The following ARHGAP26 variants were observed in gnomAD, a reference collection of about 807,000 sequenced individuals.
ARHGAP26 encodes Rho GTPase activating protein 26.
A neutral mutation model predicts 104.8 loss-of-function variants in ARHGAP26; 38 were observed. That is an observed-to-expected ratio of 0.36 (90% CI 0.28 to 0.48). ARHGAP26 has a LOEUF of 0.48. ARHGAP26 is among the 20% of genes least tolerant of loss of function. ARHGAP26 has a pLI of 0.99. For synonymous variants in ARHGAP26, 341 were observed against 340.0 expected (o/e 1.00, Z -0.03); for missense variants, 704 against 947.9 (o/e 0.74, Z 3.38).
intron 20 of ARHGAP26, chr5:143,166,103 A>G: frequency 7.6e-7 from 1 of 1,307,886 alleles, no homozygotes; most frequent in Non-Finnish European, 1.0e-6. Flanking sequence ...ACAAGGTGAG[A>G]AGGGAGGCTG....
chr5:142,936,986 C>G (rs912377489), intron 11 of ARHGAP26, among the ~76,000 whole-genome samples: 1 of 152,080 alleles, frequency 6.6e-6, no homozygotes, highest in Non-Finnish European at 1.5e-5. Flanking sequence ...GGAAAGCATA[C>G]ACAACCCATA....
chr5:143,113,495 G>A (rs952920770), intron 17 of ARHGAP26, among the ~76,000 whole-genome samples: 1 of 152,058 alleles, frequency 6.6e-6, no homozygotes, highest in African/African-American at 2.4e-5. Context: ...AACCCATTTT[G>A]GCTATTTTTC....
At chr5:142,923,216 T>C (rs1763440963) in intron 10 of ARHGAP26, among the ~76,000 whole-genome samples, 1 of 152,158 alleles carries the variant, frequency 6.6e-6, no homozygotes, top group East Asian at 1.9e-4. Context: ...ATTTTTACTC[T>C]TTAGTCTGCC....
intron 11 of ARHGAP26, among the ~76,000 whole-genome samples, chr5:142,940,058 G>C (rs1766008138): frequency 6.6e-6 from 1 of 152,222 alleles, no homozygotes; most frequent in African/African-American, 2.4e-5. Context: ...CAGTCAGTGT[G>C]AACTTTCAGG....
At chr5:142,899,887 C>T (rs1316547157) in intron 6 of ARHGAP26, among the ~76,000 whole-genome samples, 3 of 152,176 alleles carry the variant, frequency 2.0e-5, no homozygotes, top group East Asian at 1.9e-4. Flanking sequence ...GGAGCACTTG[C>T]GGGTATGCCC....
chr5:143,156,184 T>C (rs1474118614), intron 20 of ARHGAP26, among the ~76,000 whole-genome samples: 1 of 152,250 alleles, frequency 6.6e-6, no homozygotes, highest in East Asian at 1.9e-4. Flanking sequence ...ATTCAGATTC[T>C]AAATTGGGTA....
chr5:143,181,486 G>T (rs971408299), intron 20 of ARHGAP26, among the ~76,000 whole-genome samples: 1 of 152,068 alleles, frequency 6.6e-6, no homozygotes, highest in East Asian at 1.9e-4. Context: ...GAGAACTCTC[G>T]CGTGTTAGGG....
chr5:143,195,186 G>A (rs1231715158), intron 20 of ARHGAP26, among the ~76,000 whole-genome samples: 6 of 152,172 alleles, frequency 3.9e-5, no homozygotes, highest in African/African-American at 4.8e-5. Context: ...ACCAAGGTTC[G>A]TGCATTTGCA....
chr5:143,025,875 G>A (rs1200142479), intron 12 of ARHGAP26, among the ~76,000 whole-genome samples: 1 of 152,106 alleles, frequency 6.6e-6, no homozygotes, highest in East Asian at 1.9e-4. Context: ...TCCCATCCAG[G>A]CAGATTTTTG....
At chr5:142,953,050 G>A (rs1279646410) in intron 11 of ARHGAP26, among the ~76,000 whole-genome samples, 1 of 152,130 alleles carries the variant, frequency 6.6e-6, no homozygotes, top group Non-Finnish European at 1.5e-5. Context: ...TAGCCACAAT[G>A]TCATGGAGAG....
intron 18 of ARHGAP26, among the ~76,000 whole-genome samples, chr5:143,121,407 C>A (rs1796120859): frequency 6.6e-6 from 1 of 152,116 alleles, no homozygotes; most frequent in East Asian, 1.9e-4. Context: ...CATTATGTGC[C>A]AGGAACTGTG....
rs193189947 is a variant in ARHGAP26 at position 142,856,739 on chromosome 5, G to T, written c.155-16661G>T. ...TAGCATTTACATTGTATTAGGTATT[G>T]TAAGTAATCTAGAGATGATTTAAAG... On this transcript the variant is annotated intron_variant, in intron 1 of 22. Coordinates refer to ENST00000645722, the MANE Select transcript of ARHGAP26 (RefSeq NM_001135608.3). 9.8e-4 allele frequency among the ~76,000 whole-genome samples: 149 copies of T among 152,236 alleles called. 1 individual carries two copies. Among genetic ancestry groups the T allele is most frequent in the African/African-American group, 3.4e-3 (140 of 41,532 alleles).
chr5:143,027,531 C>T (rs529021862), intron 12 of ARHGAP26, among the ~76,000 whole-genome samples: 1 of 144,500 alleles, frequency 6.9e-6, no homozygotes, highest in East Asian at 2.0e-4. Flanking sequence ...AATTTGCTTA[C>T]TGGTTTTAAA....
At chr5:142,842,459 A>C (rs1032679190) in intron 1 of ARHGAP26, among the ~76,000 whole-genome samples, 1 of 152,210 alleles carries the variant, frequency 6.6e-6, no homozygotes, top group African/African-American at 2.4e-5. Flanking sequence ...TTCTAAGCAT[A>C]GCAGAACCTC....
At chr5:142,795,422 C>T (rs1254973846) in intron 1 of ARHGAP26, among the ~76,000 whole-genome samples, 4 of 152,176 alleles carry the variant, frequency 2.6e-5, no homozygotes, top group Non-Finnish European at 5.9e-5. Flanking sequence ...CTCAGTTGTT[C>T]TTCCTCTTTT....
intron 11 of ARHGAP26, among the ~76,000 whole-genome samples, chr5:142,936,823 G>GA (rs202061609): frequency 0.12 from 15,086 of 126,782 alleles, 1,831 homozygotes; most frequent in African/African-American, 0.31. Context: ...ACATCCATAG[G>GA]AAAAAAAAAA....
At chr5:143,176,973 T>A (rs1803552967) in intron 20 of ARHGAP26, among the ~76,000 whole-genome samples, 1 of 152,222 alleles carries the variant, frequency 6.6e-6, no homozygotes, top group Admixed American at 6.5e-5. Flanking sequence ...GACATCTAAT[T>A]AGGCTACAAT....
Position 142,885,533 on chromosome 5 carries a change from C to T in ARHGAP26, c.486+134C>T, listed in dbSNP as rs1016485716. ...GGAAGCCAGGAGATTGCTCCTGATC[C>T]CTCATCCAGTGCCTGATGCCTGGAC... On this transcript the variant is annotated intron_variant, in intron 5 of 22. Transcript: ENST00000645722. 11 of 680,212 alleles carry T rather than the reference C, an allele frequency of 1.6e-5. No individual in the cohort carries two copies. In the African/African-American group the frequency reaches 2.0e-4, roughly 12 times the overall value. The allele number at this position is 680,212 out of a possible 1,614,324, so 42.1% of individuals were successfully genotyped here. A position where few individuals can be genotyped will look rare whatever the true frequency, so the allele number is the denominator to read the frequency against.
chr5:142,967,129 T>C (rs1235271256), intron 11 of ARHGAP26, among the ~76,000 whole-genome samples: 1 of 152,028 alleles, frequency 6.6e-6, no homozygotes, highest in Non-Finnish European at 1.5e-5. Context: ...TTTTTTAAGG[T>C]GTTATTCTTA....
Sources: gnomAD v4.1 joint callset for allele counts (sites outside exome capture counted in the v4.1 genomes callset) on GRCh38, gnomAD v4.1.1 for gene constraint, MANE v1.5 for transcripts, NCBI Gene and HGNC (gene_info 2026-07-23, HGNC 2026-07-21) for gene names.